Variants in NINJ2 observed in about 807,000 individuals in gnomAD.
The protein encoded by NINJ2 is ninjurin 2.
In NINJ2, 12 loss-of-function variants were observed where a neutral mutation model predicts 11.7. That is an observed-to-expected ratio of 1.02 (90% CI 0.66 to 1.66). NINJ2 has a LOEUF of 1.66. NINJ2 is among the 40% of genes most tolerant of loss of function. The probability of loss-of-function intolerance (pLI) is 0.00; values close to 1 mark genes in which losing one functional copy is unlikely to be tolerated. For missense variants in NINJ2, 187 were observed against 181.8 expected (o/e 1.03, Z -0.16); for synonymous variants, 93 against 76.8 (o/e 1.21, Z -1.10).
At position 597,063 on chromosome 12, in the gene NINJ2, A is replaced by G. The variant is rs143089943; in HGVS notation, c.34-30885T>C. On this transcript the variant is annotated intron_variant, in intron 1 of 3. Coordinates refer to ENST00000305108, the MANE Select transcript of NINJ2 (RefSeq NM_016533.6). The stretch of plus-strand genomic sequence containing the variant: ...ATTACAAATTTATACCCTAAACCAA[A>G]TAACACACCTATTAAGTACAATTAT... Among the ~76,000 whole-genome samples, 582 of 152,370 alleles carry G rather than the reference A, an allele frequency of 3.8e-3. 1 individual carries two copies. The highest frequency in any genetic ancestry group is 5.2e-3 in the Non-Finnish European group (351 of 68,034).
At chr12:592,618 T>C (rs1021661286) in intron 1 of NINJ2, among the ~76,000 whole-genome samples, 8 of 152,158 alleles carry the variant, frequency 5.3e-5, no homozygotes, top group Non-Finnish European at 1.0e-4. Context: ...GAGAATCGCT[T>C]GAACCCAGGA....
chr12:590,422 G>A (rs1351044253), intron 1 of NINJ2, among the ~76,000 whole-genome samples: 1 of 152,228 alleles, frequency 6.6e-6, no homozygotes, highest in Non-Finnish European at 1.5e-5. Flanking sequence ...GGTGGAAGAC[G>A]ACACCCTGTG....
At chr12:602,060 G>A (rs939262316) in intron 1 of NINJ2, among the ~76,000 whole-genome samples, 6 of 152,112 alleles carry the variant, frequency 3.9e-5, no homozygotes, top group Non-Finnish European at 7.4e-5. Context: ...CACTTCAGAC[G>A]CAATGTCCCG....
At chr12:660,146 G>A (rs11608764) in intron 1 of NINJ2, among the ~76,000 whole-genome samples, 33,405 of 151,402 alleles carry the variant, frequency 0.22, 3,777 homozygotes, top group South Asian at 0.27. Context: ...AAATTAGCTG[G>A]GCATGGTAGT....
chr12:565,538 A>C, intron 2 of NINJ2, 137 bp from the exon 3 acceptor site: 1 of 921,784 alleles, frequency 1.1e-6, no homozygotes. Flanking sequence ...GGTGGTCGTC[A>C]TCGGGCTGAG....
intron 1 of NINJ2, among the ~76,000 whole-genome samples, chr12:607,758 A>G (rs57893708): frequency 0.016 from 2,383 of 152,210 alleles, 69 homozygotes; most frequent in African/African-American, 0.054. Flanking sequence ...AGCAGCTCCA[A>G]ATTGCTTTTT....
intron 1 of NINJ2, among the ~76,000 whole-genome samples, chr12:572,326 T>A (rs901753157): frequency 6.6e-6 from 1 of 152,148 alleles, no homozygotes; most frequent in Non-Finnish European, 1.5e-5. Flanking sequence ...CAGTCAGGGC[T>A]ACACACTAGC....
In NINJ2 at chr12:633,323, C is replaced by A. The variant is rs1007278009; in HGVS notation, c.33+30005G>T. Among the ~76,000 whole-genome samples the A allele has an allele frequency of 1.3e-4, 20 of 152,052 alleles. No homozygotes were observed. Among genetic ancestry groups the A allele is most frequent in the Admixed American group, 1.0e-3 (16 of 15,268 alleles). Reference sequence around the variant, plus strand: ...GACCAACTTGGCCAACATGGTGAAACCCTGTCTCTACTAAAAATACAAAAA... The same window carrying A: ...GACCAACTTGGCCAACATGGTGAAAACCTGTCTCTACTAAAAATACAAAAA... On this transcript the variant is annotated intron_variant, in intron 1 of 3. Transcript: ENST00000305108. This position sits in a 1 kb window ranked among gnomAD's most constrained non-coding sequence, Gnocchi z 4.3.
intron 1 of NINJ2, chr12:645,388 G>A (rs1399925908): frequency 6.6e-6 from 1 of 152,000 alleles, no homozygotes; most frequent in African/African-American, 2.4e-5. Flanking sequence ...TTATGGAGTG[G>A]GTACTTAGAA....
chr12:565,914 G>A (rs749215169), intron 2 of NINJ2, 36 bp downstream of exon 2: 87 of 1,584,242 alleles, frequency 5.5e-5, no homozygotes, highest in African/African-American at 2.0e-4. Context: ...CACGGGTGCC[G>A]AGGCAGAAGG....
rs187891535 is a variant in NINJ2, at chr12:602,712, T to C, written c.34-36534A>G. Among the ~76,000 whole-genome samples the C allele has an allele frequency of 2.3e-3, 356 of 152,350 alleles. 1 individual carries two copies. The highest frequency in any genetic ancestry group is 8.3e-3 in the African/African-American group (344 of 41,574). On this transcript the variant is annotated intron_variant, in intron 1 of 3. Coordinates refer to ENST00000305108, the MANE Select transcript of NINJ2 (RefSeq NM_016533.6). ...TCCAAAGTGGCTGCACCATTTTGCA[T>C]TCCAGCCAGTAAAGTAGGAGATTCC...
rs377056940 is a variant in NINJ2 at position 653,018 on chromosome 12, CT to C, written c.33+10309del. ...TGATATACAAAGTAATATTTTGTTTCTTTTTTTTTTTTTTTTTTTTGAGATG... is the reference window on the plus strand; with the variant it reads ...TGATATACAAAGTAATATTTTGTTTCTTTTTTTTTTTTTTTTTTTGAGATG... On this transcript the variant is annotated intron_variant, in intron 1 of 3. Transcript: ENST00000305108. Among the ~76,000 whole-genome samples, 98 of 96,214 alleles carry C rather than the reference CT, an allele frequency of 1.0e-3. 1 individual carries two copies. Among genetic ancestry groups the C allele is most frequent in the East Asian group, 2.3e-3 (7 of 2,980 alleles). 63.1% of individuals were successfully genotyped at this position (96,214 alleles called of 152,430 possible).
chr12:599,457 G>C (rs1304789838), intron 1 of NINJ2, among the ~76,000 whole-genome samples: 2 of 152,126 alleles, frequency 1.3e-5, no homozygotes, highest in Non-Finnish European at 2.9e-5. Context: ...AGACATTTGA[G>C]GGGGTCATAG....
intron 1 of NINJ2, chr12:632,513 C>A (rs1002881693): frequency 9.2e-5 from 14 of 152,344 alleles, no homozygotes; most frequent in African/African-American, 3.4e-4. Context: ...TTCCAGCCCA[C>A]AGGACACTTG....
intron 1 of NINJ2, among the ~76,000 whole-genome samples, chr12:649,778 G>A (rs1937759803): frequency 6.6e-6 from 1 of 151,708 alleles, no homozygotes; most frequent in Admixed American, 6.6e-5. Context: ...TTTTCCAATA[G>A]TTTTCCTACA....
chr12:647,850 T>C (rs1177968431), intron 1 of NINJ2, among the ~76,000 whole-genome samples: 1 of 152,148 alleles, frequency 6.6e-6, no homozygotes, highest in African/African-American at 2.4e-5. Flanking sequence ...GGGACCACAT[T>C]TGAAAACCAC....
chr12:569,599 C>T (rs1344102749), intron 1 of NINJ2, among the ~76,000 whole-genome samples: 4 of 152,176 alleles, frequency 2.6e-5, no homozygotes, highest in Non-Finnish European at 5.9e-5. Context: ...AACCTTAAAC[C>T]CAAACCTCTA....
intron 1 of NINJ2, among the ~76,000 whole-genome samples, chr12:621,439 G>A (rs1948150748): frequency 6.7e-6 from 1 of 148,472 alleles, no homozygotes. Context: ...AGGTGACAGG[G>A]TAAGACCCTG....
intron 1 of NINJ2, among the ~76,000 whole-genome samples, chr12:615,088 C>T (rs1420544566): frequency 6.6e-6 from 1 of 152,096 alleles, no homozygotes; most frequent in Non-Finnish European, 1.5e-5. Context: ...TCTCTGATTT[C>T]ATTATGGATT....
Sources: gnomAD v4.1 joint callset for allele counts (sites outside exome capture counted in the v4.1 genomes callset) on GRCh38, gnomAD v4.1.1 for gene constraint, Gnocchi (gnomAD v3.1) non-coding constraint, MANE v1.5 for transcripts, NCBI Gene and HGNC (gene_info 2026-07-23, HGNC 2026-07-21) for gene names.